DAPK1: variants seen among roughly 807,000 people sequenced by gnomAD.
DAPK1 encodes the protein death associated protein kinase 1, also known as death-associated protein kinase 1.
In DAPK1, 56 loss-of-function variants were observed where a neutral mutation model predicts 144.9. The ratio of observed to expected loss-of-function variants is 0.39; its 90% CI spans 0.31 to 0.48. DAPK1 has a LOEUF of 0.48. Among genes scored for constraint, DAPK1 ranks in the 20% least tolerant of loss-of-function variants. The pLI is 0.95. For synonymous variants in DAPK1, 690 were observed against 749.0 expected (o/e 0.92, Z 1.29); for missense variants, 1,454 against 1,875.4 (o/e 0.78, Z 4.15).
intron 2 of DAPK1, among the ~76,000 whole-genome samples, chr9:87,601,491 G>A (rs1252258330): frequency 6.6e-6 from 1 of 151,350 alleles, no homozygotes; most frequent in Non-Finnish European, 1.5e-5. Flanking sequence ...CGTTAGCACA[G>A]GACAGCCCTG....
At chr9:87,688,000 C>G (rs1824925939) in intron 21 of DAPK1, among the ~76,000 whole-genome samples, 1 of 151,912 alleles carries the variant, frequency 6.6e-6, no homozygotes, top group Admixed American at 6.6e-5. Flanking sequence ...CTTTCTTTTT[C>G]AACTTGTATT....
intron 19 of DAPK1, among the ~76,000 whole-genome samples, chr9:87,672,439 G>T (rs955108732): frequency 6.6e-6 from 1 of 152,104 alleles, no homozygotes; most frequent in Non-Finnish European, 1.5e-5. Context: ...CAATGGGCTC[G>T]GGGGGCTCCA....
intron 2 of DAPK1, among the ~76,000 whole-genome samples, chr9:87,564,395 G>A (rs1827040601): frequency 1.3e-5 from 2 of 152,210 alleles, no homozygotes; most frequent in African/African-American, 4.8e-5. Context: ...ACTGGGAAAT[G>A]AGGGTTTCTG....
chr9:87,611,705 C>G (rs1343928944), intron 3 of DAPK1, among the ~76,000 whole-genome samples: 1 of 152,194 alleles, frequency 6.6e-6, no homozygotes, highest in African/African-American at 2.4e-5. Context: ...CCCTCTCACC[C>G]TGTCCTCCCA....
intron 2 of DAPK1, among the ~76,000 whole-genome samples, chr9:87,537,545 G>A (rs1825901056): frequency 6.6e-6 from 1 of 152,038 alleles, no homozygotes; most frequent in Non-Finnish European, 1.5e-5. Context: ...TGTGTATGTG[G>A]AATATGGTGT....
chr9:87,650,122 C>T lies in DAPK1; in HGVS notation c.1626+4C>T, dbSNP rs1312124882. 1 of 1,613,810 alleles carries T rather than the reference C, an allele frequency of 6.2e-7. No individual in the cohort carries two copies. Among genetic ancestry groups the T allele is most frequent in the East Asian group, 2.2e-5 (1 of 44,854 alleles). ...CGACCTTAATGCTTGCGACAAGGTG[C>T]CTTATGGGGGAAGACTCATATGCAC... On this transcript the variant is annotated splice_donor_region_variant and intron_variant, in intron 16 of 25. Coordinates refer to ENST00000408954, the MANE Select transcript of DAPK1 (RefSeq NM_004938.4).
intron 3 of DAPK1, among the ~76,000 whole-genome samples, chr9:87,614,619 C>A (rs1020794797): frequency 5.3e-5 from 8 of 152,210 alleles, no homozygotes; most frequent in African/African-American, 1.9e-4. Flanking sequence ...CCAACCTGCA[C>A]ATCAAGCGGG....
intron 2 of DAPK1, among the ~76,000 whole-genome samples, chr9:87,602,581 T>G (rs1828562159): frequency 6.6e-6 from 1 of 152,150 alleles, no homozygotes; most frequent in Admixed American, 6.5e-5. Flanking sequence ...TATCTAGGCT[T>G]GCATTGAAAT....
chr9:87,698,430 A>G, intron 22 of DAPK1: 2 of 447,064 alleles, frequency 4.5e-6, no homozygotes, highest in South Asian at 4.6e-5. Flanking sequence ...ACTTTGAGCA[A>G]TTTTCCTTGT....
chr9:87,649,884 G>T, intron 15 of DAPK1, 37 bp from the exon 16 acceptor site: 1 of 1,603,454 alleles, frequency 6.2e-7, no homozygotes. Context: ...TCTCATTATT[G>T]TGTTCTCCTC....
chr9:87,620,853 A>G (rs965053821), intron 3 of DAPK1, among the ~76,000 whole-genome samples: 1 of 151,954 alleles, frequency 6.6e-6, no homozygotes, highest in Non-Finnish European at 1.5e-5. Flanking sequence ...GCCAGTTATA[A>G]TTACCCAGGC....
At chr9:87,616,116 T>A (rs1018248098) in intron 3 of DAPK1, among the ~76,000 whole-genome samples, 1 of 152,238 alleles carries the variant, frequency 6.6e-6, no homozygotes, top group Non-Finnish European at 1.5e-5. Flanking sequence ...CCTTTCTGCT[T>A]CCTTCTCTAG....
intron 2 of DAPK1, among the ~76,000 whole-genome samples, chr9:87,597,376 C>T (rs1564014433): frequency 6.6e-6 from 1 of 152,042 alleles, no homozygotes; most frequent in African/African-American, 2.4e-5. Flanking sequence ...TGTCTCCATC[C>T]GAAATGAAAA....
In DAPK1 at chr9:87,627,675, T is replaced by C. The variant is rs3128524; in HGVS notation, c.285-10268T>C. Among the ~76,000 whole-genome samples, 1,340 of 152,286 alleles carry C rather than the reference T, an allele frequency of 8.8e-3. 11 individuals carry two copies. Among genetic ancestry groups the C allele is most frequent in the Non-Finnish European group, 0.013 (904 of 68,010 alleles). On this transcript the variant is annotated intron_variant, in intron 3 of 25. Transcript: ENST00000408954. The stretch of plus-strand genomic sequence containing the variant: ...CCCCAGATTTTTGGCCCCAGGAATG[T>C]CCATCTGTTTCAGCAAAACCCTACT...
At chr9:87,697,425 G>A (rs1044859619) in intron 22 of DAPK1, among the ~76,000 whole-genome samples, 4 of 152,212 alleles carry the variant, frequency 2.6e-5, no homozygotes, top group African/African-American at 9.6e-5. Context: ...TCAAGTGTTC[G>A]TGGTATTCTG....
intron 2 of DAPK1, among the ~76,000 whole-genome samples, chr9:87,560,878 C>G (rs1826889790): frequency 1.3e-5 from 2 of 152,022 alleles, no homozygotes; most frequent in East Asian, 1.9e-4. Flanking sequence ...GTTGGCCAGG[C>G]TGGTCTTGAA....
chr9:87,513,566 C>T (rs865856175), intron 2 of DAPK1, among the ~76,000 whole-genome samples: 1 of 152,154 alleles, frequency 6.6e-6, no homozygotes, highest in Non-Finnish European at 1.5e-5. Context: ...GCTAGGAACT[C>T]TAGACCAGCA....
intron 2 of DAPK1, among the ~76,000 whole-genome samples, chr9:87,551,340 G>T (rs958045195): frequency 6.6e-6 from 1 of 151,978 alleles, no homozygotes. Flanking sequence ...TAGAGACGGG[G>T]TTTCACCATG....
intron 3 of DAPK1, among the ~76,000 whole-genome samples, chr9:87,616,202 T>G (rs983135256): frequency 6.6e-6 from 1 of 152,232 alleles, no homozygotes; most frequent in African/African-American, 2.4e-5. Flanking sequence ...TGTTCTAGTT[T>G]TCCAGTGGGA....
Sources: gnomAD v4.1 joint callset for allele counts (sites outside exome capture counted in the v4.1 genomes callset) on GRCh38, gnomAD v4.1.1 for gene constraint, MANE v1.5 for transcripts, NCBI Gene and HGNC (gene_info 2026-07-23, HGNC 2026-07-21) for gene names.